AOPEP: variants seen among roughly 807,000 people sequenced by gnomAD.
AOPEP encodes the protein aminopeptidase O (putative), also known as aminopeptidase O.
Under a neutral mutation model 98.1 loss-of-function variants are expected in AOPEP, and 77 were observed. That is an observed-to-expected ratio of 0.78 (90% CI 0.65 to 0.95). The LOEUF (loss-of-function observed/expected upper bound fraction) is 0.95, where lower values mean the gene tolerates loss of function less well. AOPEP is among the 40% of genes least tolerant of loss of function. The pLI is 0.00. For synonymous variants in AOPEP, 346 were observed against 365.3 expected, an observed-to-expected ratio of 0.95 and a Z score of 0.60; for missense variants, 1,024 against 1,024.7, an observed-to-expected ratio of 1.00 and a Z score of 0.01.
the AOPEP span, chr9:95,125,267 T>C: frequency 3.6e-6 from 4 of 1,110,666 alleles, no homozygotes; most frequent in East Asian, 2.4e-5. Flanking sequence ...AAGGGAAAAG[T>C]AGAAACACTT....
chr9:95,020,614 A>T (rs946673136), intron 13 of AOPEP, among the ~76,000 whole-genome samples: 23 of 143,232 alleles, frequency 1.6e-4, no homozygotes, highest in African/African-American at 2.6e-4. Flanking sequence ...AGTATTATTT[A>T]AAAAAAAAAA....
chr9:94,768,900 A>G (rs867186825), intron 2 of AOPEP, among the ~76,000 whole-genome samples: 1 of 152,258 alleles, frequency 6.6e-6, no homozygotes, highest in Non-Finnish European at 1.5e-5. Flanking sequence ...CTGCACGTCT[A>G]TCCTATGAGC....
intron 7 of AOPEP, among the ~76,000 whole-genome samples, chr9:94,946,713 TG>T (rs1330115429): frequency 6.6e-6 from 1 of 152,224 alleles, no homozygotes; most frequent in Admixed American, 6.5e-5. Flanking sequence ...GTCACTTTTT[TG>T]GGTGAATTTA....
chr9:95,099,032 G>A, the AOPEP span: 1 of 180,512 alleles, frequency 5.5e-6, no homozygotes, highest in Non-Finnish European at 1.2e-5. Context: ...GAGAAGGATT[G>A]TAATATTTAA....
chr9:95,137,635 A>T, the AOPEP span, among the ~76,000 whole-genome samples: 13 of 152,268 alleles, frequency 8.5e-5, no homozygotes, highest in African/African-American at 3.1e-4. Context: ...GGAGTGTCTG[A>T]GGCACAACCA....
chr9:95,128,586 G>A, the AOPEP span, among the ~76,000 whole-genome samples: 3 of 152,186 alleles, frequency 2.0e-5, no homozygotes, highest in Admixed American at 2.0e-4. Context: ...GAAAACCACT[G>A]GGGGAGCAAG....
At chr9:95,110,965 C>G in the AOPEP span, 3 of 1,402,620 alleles carry the variant, frequency 2.1e-6, no homozygotes, top group Non-Finnish European at 2.8e-6. Flanking sequence ...CATCTGATTA[C>G]TTTAGTAAGA....
At chr9:94,888,777 G>A (rs1356269758) in intron 5 of AOPEP, among the ~76,000 whole-genome samples, 1 of 152,078 alleles carries the variant, frequency 6.6e-6, no homozygotes, top group Non-Finnish European at 1.5e-5. Context: ...ATGAGTAAAG[G>A]GACTACTATC....
intron 13 of AOPEP, among the ~76,000 whole-genome samples, chr9:95,055,544 C>G (rs2066747828): frequency 1.3e-5 from 2 of 152,162 alleles, no homozygotes; most frequent in Admixed American, 1.3e-4. Flanking sequence ...GTCCTGTAGC[C>G]AAGCTTTCTG....
rs2404302 is a variant in AOPEP, at chr9:95,016,142, T to A, written c.2115+10526T>A. 1.9e-4 allele frequency among the ~76,000 whole-genome samples: 28 copies of A among 148,932 alleles called. No homozygotes were observed. The East Asian group carries it at 5.1e-3, about 27-fold the overall frequency. ...ACTTGCATTAAGCTTTTTTTTTTTTTCCCCCCACGGTAAACCTTTGGTTTT... is the reference window on the plus strand; with the variant it reads ...ACTTGCATTAAGCTTTTTTTTTTTTACCCCCCACGGTAAACCTTTGGTTTT... On this transcript the variant is annotated intron_variant, in intron 13 of 16. Coordinates refer to ENST00000375315, the MANE Select transcript of AOPEP (RefSeq NM_001193329.3).
At chr9:94,945,212 T>G (rs2137627407) in intron 7 of AOPEP, among the ~76,000 whole-genome samples, 1 of 152,352 alleles carries the variant, frequency 6.6e-6, no homozygotes, top group African/African-American at 2.4e-5. Context: ...GTGTGTTTTA[T>G]CCATGCCATG....
chr9:94,913,683 G>A (rs1385042236), intron 5 of AOPEP, among the ~76,000 whole-genome samples: 3 of 152,198 alleles, frequency 2.0e-5, no homozygotes, highest in South Asian at 2.1e-4. Flanking sequence ...TTGAGCAGGC[G>A]AATTTGTTTA....
chr9:94,840,491 G>T (rs2042146324), intron 5 of AOPEP, among the ~76,000 whole-genome samples: 1 of 152,174 alleles, frequency 6.6e-6, no homozygotes, highest in Non-Finnish European at 1.5e-5. Flanking sequence ...GTTAATATCA[G>T]GGTAATTCTG....
chr9:94,884,238 T>A (rs1483147220), intron 5 of AOPEP, among the ~76,000 whole-genome samples: 1 of 152,226 alleles, frequency 6.6e-6, no homozygotes, highest in African/African-American at 2.4e-5. Flanking sequence ...TGTCTCAGAT[T>A]GTTCCTTGAT....
Position 94,762,548 on chromosome 9 carries a change from T to TA in AOPEP, c.797+1971dup, listed in dbSNP as rs530039878. Reference sequence around the variant, plus strand: ...GATATCTCATTTTCTGATAATTCAGTAAATATATATGATCACAGAAGATGT... The same window carrying TA: ...GATATCTCATTTTCTGATAATTCAGTAAAATATATATGATCACAGAAGATGT... On this transcript the variant is annotated intron_variant, in intron 2 of 16. Coordinates refer to ENST00000375315, the MANE Select transcript of AOPEP (RefSeq NM_001193329.3). Among the ~76,000 whole-genome samples, 86 of 152,338 alleles carry TA rather than the reference T, an allele frequency of 5.6e-4. 2 individuals are homozygous for TA. In the East Asian group the frequency reaches 0.011, roughly 19 times the overall value.
At chr9:95,101,830 TATCTC>T in the AOPEP span, 1 of 1,614,022 alleles carries the variant, frequency 6.2e-7, no homozygotes, top group Non-Finnish European at 8.5e-7. Flanking sequence ...TCTCGTGAGT[TATCTC>T]AGCAGTGTGA....
At position 94,955,204 on chromosome 9, in the gene AOPEP, A is replaced by G; in HGVS notation, c.1689A>G (p.Thr563=). 1 of 1,613,110 alleles carries G rather than the reference A, an allele frequency of 6.2e-7. No homozygotes were observed. The highest frequency in any genetic ancestry group is 2.2e-5 in the East Asian group (1 of 44,876). The change falls in exon 8 of 17, where the codon ACA becomes ACG. Residue 563 remains threonine (T), a synonymous_variant. Coordinates refer to ENST00000375315, the MANE Select transcript of AOPEP (RefSeq NM_001193329.3). ...CCAGTAAAGACAAAACTGGCCACAC[A>G]AGTGACTCGGGAGCATCTGTTATCA... The part of the protein sequence containing the change: ...LRPSKDKTGH[T]SDSGASVIKH...
chr9:94,825,638 G>T (rs995013204), intron 5 of AOPEP, among the ~76,000 whole-genome samples: 1 of 152,180 alleles, frequency 6.6e-6, no homozygotes, highest in Non-Finnish European at 1.5e-5. Flanking sequence ...CCTTGGCTTG[G>T]GTTCTAGAGA....
downstream of AOPEP, among the ~76,000 whole-genome samples, chr9:95,089,674 G>T (rs2070839461): frequency 6.6e-6 from 1 of 152,220 alleles, no homozygotes; most frequent in South Asian, 2.1e-4. Context: ...CAGTCTGATG[G>T]AAGGGCAGGC....
Sources: allele counts gnomAD v4.1 joint callset (sites outside exome capture counted in the v4.1 genomes callset), GRCh38; gene constraint gnomAD v4.1.1; transcripts MANE v1.5; gene names NCBI Gene and HGNC (gene_info 2026-07-23, HGNC 2026-07-21).